PJA2: variants seen among roughly 807,000 people sequenced by gnomAD.
PJA2 encodes the protein E3 ubiquitin-protein ligase Praja-2.
PJA2 carries 25 observed loss-of-function variants against 69.3 expected under a neutral mutation model. The observed-to-expected ratio is 0.36, with a 90% CI of 0.26 to 0.50. PJA2 has a LOEUF of 0.50. Among genes scored for constraint, PJA2 ranks in the 20% least tolerant of loss-of-function variants. The probability of loss-of-function intolerance (pLI) is 0.96; values close to 1 mark genes in which losing one functional copy is unlikely to be tolerated. For missense variants in PJA2, 809 were observed against 830.2 expected (o/e 0.97, Z 0.31); for synonymous variants, 308 against 277.8 (o/e 1.11, Z -1.08).
intron 7 of PJA2, among the ~76,000 whole-genome samples, chr5:109,350,691 C>T (rs1762235686): frequency 6.6e-6 from 1 of 152,136 alleles, no homozygotes; most frequent in African/African-American, 2.4e-5. Flanking sequence ...AATGAAGACG[C>T]TAAAGCTCAG....
At chr5:109,390,673 T>G (rs1747261875) in intron 1 of PJA2, 1 of 151,792 alleles carries the variant, frequency 6.6e-6, no homozygotes, top group Admixed American at 6.6e-5. Context: ...GTTCTTGAAT[T>G]CCTTGGTAAT....
At chr5:109,372,905 CAAAAAAAAAAAAAAAAAA>C (rs528408590) in intron 4 of PJA2, among the ~76,000 whole-genome samples, 1 of 35,700 alleles carries the variant, frequency 2.8e-5, no homozygotes, top group African/African-American at 7.5e-5. Context: ...CACTCCGTCT[CAAAAAAAAAAAAAAAAAA>C]AAAGAAAGAA....
At position 109,355,942 on chromosome 5, in the gene PJA2, T is replaced by C. The variant is rs1762406009; in HGVS notation, c.1737A>G (p.Leu579=). Residue 579 remains leucine, a synonymous_variant, in exon 7 of 10, where the codon CTA becomes CTG. Coordinates refer to ENST00000361189, the MANE Select transcript of PJA2 (RefSeq NM_014819.5). ...VDPQFLTYMA[L]EERLAQAMET... ...CCATAGCCTGGGCTAAGCGTTCTTC[T>C]AGTGCCATGTAGGTAAGGAACTGAG... is the stretch of plus-strand genomic sequence containing the variant. The C allele has an allele frequency of 6.2e-7, 1 of 1,613,698 alleles. No individual in the cohort carries two copies. Among genetic ancestry groups the C allele is most frequent in the Admixed American group, 1.7e-5 (1 of 60,002 alleles).
intron 1 of PJA2, among the ~76,000 whole-genome samples, chr5:109,404,046 G>C (rs759020716): frequency 2.0e-5 from 3 of 151,000 alleles, no homozygotes; most frequent in Non-Finnish European, 4.4e-5. Flanking sequence ...CCTCCAGCCT[G>C]GGCAACAGAG....
At position 109,409,941 on chromosome 5, in the gene PJA2, A is replaced by AGCGGCTG. The variant is rs1747796073; in HGVS notation, c.-194_-188dup. The stretch of plus-strand genomic sequence containing the variant: ...CCAACTCCTCCCCCGCCGAACGCGA[A>AGCGGCTG]GCGGCTGGCGGCTGTGGCGGCGGCG... On this transcript the variant is annotated 5_prime_UTR_variant, in exon 1 of 10. Transcript: ENST00000361189. 8 of 204,158 alleles carry AGCGGCTG rather than the reference A, an allele frequency of 3.9e-5. No individual in the cohort carries two copies. In the South Asian group the frequency reaches 4.6e-4, roughly 12 times the overall value. The allele number at this position is 204,158 out of a possible 1,614,324, so 12.6% of individuals were successfully genotyped here.
Position 109,383,417 on chromosome 5 carries a change from T to G in PJA2, c.17A>C (p.Glu6Ala). The part of the protein sequence containing the change: MSQYT[E>A]KEPAAMDQES... ...ACTTTCCTTACCTGCTGGCTCCTTTTCAGTGTACTGTGACATATATGGCAG... is the reference window on the plus strand; with the variant it reads ...ACTTTCCTTACCTGCTGGCTCCTTTGCAGTGTACTGTGACATATATGGCAG... Residue 6 changes from glutamate (E) to alanine (A), a missense_variant, in exon 2 of 10, where the codon GAA becomes GCA. Physicochemically the swap from Glu to Ala is moderately radical, Grantham distance 107. Transcript: ENST00000361189. 6.2e-7 allele frequency: 1 copy of G among 1,613,384 alleles called. No individual in the cohort carries two copies. Among genetic ancestry groups the G allele is most frequent in the East Asian group, 2.2e-5 (1 of 44,862 alleles).
chr5:109,339,336 A>G (rs1762000284), intron 9 of PJA2, among the ~76,000 whole-genome samples: 1 of 152,228 alleles, frequency 6.6e-6, no homozygotes, highest in Non-Finnish European at 1.5e-5. Flanking sequence ...GTTAATGGGT[A>G]TAATGTATGT....
chr5:109,385,133 T>C (rs181451906), intron 1 of PJA2, among the ~76,000 whole-genome samples: 2 of 152,288 alleles, frequency 1.3e-5, no homozygotes, highest in Non-Finnish European at 2.9e-5. Flanking sequence ...CGTTTTATTC[T>C]GAGATGGAAA....
chr5:109,403,439 A>G (rs898878842), intron 1 of PJA2, among the ~76,000 whole-genome samples: 1 of 152,116 alleles, frequency 6.6e-6, no homozygotes, highest in Non-Finnish European at 1.5e-5. Flanking sequence ...AACTCTAAAA[A>G]AAATTGTAAA....
chr5:109,379,121 T>G lies in PJA2; in HGVS notation c.366A>C (p.Val122=), dbSNP rs769523746. ...TATCCCTGCCTTCCTCACTGTGATG[T>G]ACTGCAACAAAGGATTGACTGCTCT... ...TTESSQSFVA[V]HHSEEGRDTL... The change falls in exon 4 of 10, where the codon GTA becomes GTC. Residue 122 remains valine, a synonymous_variant. Transcript: ENST00000361189. The G allele has an allele frequency of 1.2e-6, 2 of 1,614,024 alleles. No homozygotes were observed. The highest frequency in any genetic ancestry group is 2.7e-5 in the African/African-American group (2 of 74,918).
chr5:109,368,539 T>C, intron 5 of PJA2, 22 bp downstream of exon 5: 2 of 1,590,550 alleles, frequency 1.3e-6, no homozygotes, highest in Non-Finnish European at 1.7e-6. Flanking sequence ...TACAGAAAAA[T>C]AAATCTCACT....
At chr5:109,370,204 C>CGGT (rs1762653837) in intron 4 of PJA2, among the ~76,000 whole-genome samples, 1 of 152,112 alleles carries the variant, frequency 6.6e-6, no homozygotes, top group Non-Finnish European at 1.5e-5. Context: ...CCCCCTCCAA[C>CGGT]CATATCAACC....
In PJA2 at chr5:109,353,202, TATA is replaced by T. The variant is rs1294520537; in HGVS notation, c.1764+2710_1764+2712del. ...TATAGATATCTATATATTAGATACC[TATA>T]ATATCTATAGATATCTATATATTAG... On this transcript the variant is annotated intron_variant, in intron 7 of 9. Coordinates refer to ENST00000361189, the MANE Select transcript of PJA2 (RefSeq NM_014819.5). 2.0e-3 allele frequency among the ~76,000 whole-genome samples: 276 copies of T among 140,490 alleles called. 8 individuals carry two copies. Among genetic ancestry groups the T allele is most frequent in the African/African-American group, 4.8e-3 (188 of 39,390 alleles). 92.2% of individuals were successfully genotyped at this position (140,490 alleles called of 152,430 possible). A position where few individuals can be genotyped will look rare whatever the true frequency, so the allele number is the denominator to read the frequency against.
In PJA2 at chr5:109,383,512, A is replaced by G; in HGVS notation, c.-79T>C. ...TTTATTCACACTATGGACAAGCCGC[A>G]GAAGATTCCTACAAAGAAACAATGA... is the stretch of plus-strand genomic sequence containing the variant. On this transcript the variant is annotated 5_prime_UTR_variant, in exon 2 of 10. Coordinates refer to ENST00000361189, the MANE Select transcript of PJA2 (RefSeq NM_014819.5). 8.6e-7 allele frequency: 1 copy of G among 1,166,882 alleles called. No homozygotes were observed. The highest frequency in any genetic ancestry group is 1.2e-6 in the Non-Finnish European group (1 of 800,314). 72.3% of individuals were successfully genotyped at this position (1,166,882 alleles called of 1,614,324 possible).
intron 1 of PJA2, among the ~76,000 whole-genome samples, chr5:109,395,937 T>A (rs2127015311): frequency 6.6e-6 from 1 of 151,316 alleles, no homozygotes; most frequent in East Asian, 2.0e-4. Flanking sequence ...GAGGCAGAGA[T>A]TGCAGTGAGC....
intron 1 of PJA2, among the ~76,000 whole-genome samples, chr5:109,388,504 A>G (rs1357743483): frequency 6.6e-6 from 1 of 152,186 alleles, no homozygotes; most frequent in Non-Finnish European, 1.5e-5. Flanking sequence ...TTATCCTGCA[A>G]CAGGTAACAA....
intron 1 of PJA2, among the ~76,000 whole-genome samples, chr5:109,392,496 G>A (rs899124595): frequency 6.6e-6 from 1 of 150,534 alleles, no homozygotes; most frequent in Non-Finnish European, 1.5e-5. Flanking sequence ...AGGAGGTGGA[G>A]GTTGCAGTGA....
At chr5:109,338,870 A>G (rs1442820472) in intron 9 of PJA2, among the ~76,000 whole-genome samples, 4 of 152,198 alleles carry the variant, frequency 2.6e-5, no homozygotes, top group Non-Finnish European at 5.9e-5. Flanking sequence ...ATGAATCATT[A>G]AAGAGGAATC....
chr5:109,365,725 T>G (rs1038735817), intron 5 of PJA2, among the ~76,000 whole-genome samples: 36 of 152,314 alleles, frequency 2.4e-4, no homozygotes, highest in African/African-American at 8.7e-4. Flanking sequence ...GTATTCACTC[T>G]TACTGGTATT....
Sources: gnomAD v4.1 joint callset for allele counts (sites outside exome capture counted in the v4.1 genomes callset) on GRCh38, gnomAD v4.1.1 for gene constraint, MANE v1.5 for transcripts, NCBI Gene and HGNC (gene_info 2026-07-23, HGNC 2026-07-21) for gene names.